NTM: variants seen among roughly 807,000 people sequenced by gnomAD.
NTM encodes the protein neurotrimin.
A neutral mutation model predicts 42.1 loss-of-function variants in NTM; 13 were observed. That is an observed-to-expected ratio of 0.31 (90% confidence interval 0.20 to 0.49). The LOEUF (loss-of-function observed/expected upper bound fraction) is 0.49. NTM is among the 20% of genes least tolerant of loss of function. The probability of loss-of-function intolerance (pLI) is 0.99; values close to 1 mark genes in which losing one functional copy is unlikely to be tolerated. For missense variants in NTM, 373 were observed against 452.8 expected (o/e 0.82, Z 1.60); for synonymous variants, 187 against 179.2 (o/e 1.04, Z -0.35).
At chr11:131,899,537 G>A (rs1184373899) in intron 1 of NTM, among the ~76,000 whole-genome samples, 3 of 152,166 alleles carry the variant, frequency 2.0e-5, no homozygotes, top group Non-Finnish European at 4.4e-5. Flanking sequence ...AGGTCACACT[G>A]GGTCACATAA....
chr11:131,973,460 A>G (rs2134736104), intron 2 of NTM, among the ~76,000 whole-genome samples: 1 of 151,830 alleles, frequency 6.6e-6, no homozygotes, highest in African/African-American at 2.4e-5. Context: ...TTGTTCCTCC[A>G]CTCCACAGTG....
At chr11:131,696,316 A>C (rs371686691) in intron 1 of NTM, among the ~76,000 whole-genome samples, 1 of 152,082 alleles carries the variant, frequency 6.6e-6, no homozygotes, top group East Asian at 1.9e-4. Context: ...AGGCTTGATG[A>C]TATGCTTTTG....
intron 1 of NTM, among the ~76,000 whole-genome samples, chr11:131,622,099 G>T (rs116618510): frequency 9.1e-4 from 139 of 152,246 alleles, no homozygotes; most frequent in African/African-American, 3.1e-3. Context: ...TTAGCAAAGG[G>T]CCTGAGTGGG....
At chr11:131,928,320 C>G (rs545364491) in intron 2 of NTM, among the ~76,000 whole-genome samples, 2 of 152,254 alleles carry the variant, frequency 1.3e-5, no homozygotes, top group African/African-American at 4.8e-5. Context: ...AAGGATTGTA[C>G]CTGGCATATA....
At chr11:131,907,455 G>T (rs2054029100) in intron 1 of NTM, among the ~76,000 whole-genome samples, 1 of 152,186 alleles carries the variant, frequency 6.6e-6, no homozygotes, top group Non-Finnish European at 1.5e-5. Flanking sequence ...TTATTAAAGG[G>T]AATATGATTG....
At chr11:131,844,878 C>T (rs2044720220) in intron 1 of NTM, among the ~76,000 whole-genome samples, 1 of 152,052 alleles carries the variant, frequency 6.6e-6, no homozygotes, top group South Asian at 2.1e-4. Context: ...CTTGGATTTC[C>T]TACATAGATA....
intron 1 of NTM, among the ~76,000 whole-genome samples, chr11:131,817,095 T>C (rs2092982784): frequency 6.6e-6 from 1 of 152,194 alleles, no homozygotes; most frequent in Non-Finnish European, 1.5e-5. Flanking sequence ...CTGCATCTTC[T>C]AATTTTGGTT....
intron 1 of NTM, among the ~76,000 whole-genome samples, chr11:131,791,504 TGTAACTACCACCCAG>T (rs899104850): frequency 6.6e-6 from 1 of 152,210 alleles, no homozygotes; most frequent in African/African-American, 2.4e-5. Context: ...AATACAACTA[TGTAACTACCACCCAG>T]GTCAAGCAAC....
intron 2 of NTM, among the ~76,000 whole-genome samples, chr11:131,968,681 G>A (rs1370088784): frequency 6.6e-6 from 1 of 152,210 alleles, no homozygotes; most frequent in East Asian, 1.9e-4. Context: ...AGCGTTTCAA[G>A]CTATGGGGTT....
At chr11:132,087,771 G>T (rs2059908552) in intron 2 of NTM, among the ~76,000 whole-genome samples, 1 of 152,222 alleles carries the variant, frequency 6.6e-6, no homozygotes, top group Non-Finnish European at 1.5e-5. Flanking sequence ...AAGAAGACCT[G>T]GGGGAAGAAC....
At chr11:131,453,308 G>A (rs150278992) in intron 1 of NTM, among the ~76,000 whole-genome samples, 50 of 152,240 alleles carry the variant, frequency 3.3e-4, no homozygotes, top group African/African-American at 1.2e-3. Context: ...CAACTTCCCC[G>A]TATGTGCCTT....
chr11:131,644,695 C>T (rs2065554125), intron 1 of NTM, among the ~76,000 whole-genome samples: 1 of 152,172 alleles, frequency 6.6e-6, no homozygotes, highest in Non-Finnish European at 1.5e-5. Context: ...TAGAATTTCT[C>T]AATTTCCTTC....
intron 2 of NTM, among the ~76,000 whole-genome samples, chr11:131,940,410 T>A (rs149831332): frequency 1.3e-5 from 2 of 152,368 alleles, no homozygotes; most frequent in African/African-American, 4.8e-5. Context: ...CATTGTGAGA[T>A]AAATACATAT....
At chr11:132,052,721 A>C (rs1390585438) in intron 2 of NTM, among the ~76,000 whole-genome samples, 1 of 151,864 alleles carries the variant, frequency 6.6e-6, no homozygotes, top group Non-Finnish European at 1.5e-5. Context: ...TCTAGGGGGC[A>C]AGTGGAATAG....
At chr11:131,887,462 T>C (rs1294909814) in intron 1 of NTM, among the ~76,000 whole-genome samples, 3 of 152,218 alleles carry the variant, frequency 2.0e-5, no homozygotes, top group Non-Finnish European at 4.4e-5. Flanking sequence ...CAAGTCACTT[T>C]TCACTGTGTC....
In NTM at chr11:131,430,402, T is replaced by C. The variant is rs574498061; in HGVS notation, c.82+59514T>C. ...GCAGAAAATCTAGGATGGGAAGGTA[T>C]ATGGACTGCTGTGATGGCCACACAT... is the stretch of plus-strand genomic sequence containing the variant. On this transcript the variant is annotated intron_variant, in intron 1 of 8. Coordinates refer to ENST00000683400, the MANE Select transcript of NTM (RefSeq NM_001352005.2). Among the ~76,000 whole-genome samples, 13 of 152,230 alleles carry C rather than the reference T, an allele frequency of 8.5e-5. No individual in the cohort carries two copies. The South Asian group carries it at 2.5e-3, about 29-fold the overall frequency.
At chr11:131,408,393 G>C (rs566748209) in intron 1 of NTM, among the ~76,000 whole-genome samples, 1 of 152,344 alleles carries the variant, frequency 6.6e-6, no homozygotes, top group East Asian at 1.9e-4. Context: ...GAATTCTGTG[G>C]AGAGGAGAGG....
intron 3 of NTM, among the ~76,000 whole-genome samples, chr11:132,172,911 T>C (rs1368697860): frequency 6.6e-6 from 1 of 152,206 alleles, no homozygotes; most frequent in Non-Finnish European, 1.5e-5. Flanking sequence ...GTCGGGAGCA[T>C]TCTGAACAGA....
intron 1 of NTM, among the ~76,000 whole-genome samples, chr11:131,872,773 T>G (rs2047919490): frequency 6.6e-6 from 1 of 152,226 alleles, no homozygotes; most frequent in Non-Finnish European, 1.5e-5. Flanking sequence ...TATCATACTG[T>G]GGGGTAATTA....
Sources: gnomAD v4.1 joint callset for allele counts (sites outside exome capture counted in the v4.1 genomes callset) on GRCh38, gnomAD v4.1.1 for gene constraint, MANE v1.5 for transcripts, NCBI Gene and HGNC (gene_info 2026-07-23, HGNC 2026-07-21) for gene names.